Variants in PPEF1 observed in about 807,000 individuals in gnomAD.
The protein encoded by PPEF1 is serine/threonine-protein phosphatase with EF-hands 1.
PPEF1 carries 12 observed loss-of-function variants against 53.3 expected under a neutral mutation model. The observed-to-expected ratio is 0.23, with a 90% CI of 0.14 to 0.36. The LOEUF (loss-of-function observed/expected upper bound fraction) is 0.36, where lower values mean the gene tolerates loss of function less well. Ranked by LOEUF, PPEF1 falls within the 10% of genes least tolerant of loss-of-function variation. The pLI is 1.00. For missense variants in PPEF1, 334 were observed against 490.4 expected (o/e 0.68, Z 3.01); for synonymous variants, 165 against 176.7 (o/e 0.93, Z 0.52).
At chrX:18,678,924 G>A (rs1170900960), upstream of PPEF1, among the ~76,000 whole-genome samples, 15 of 110,839 alleles carry the variant, frequency 1.4e-4, no homozygotes, top group Non-Finnish European at 2.8e-4. Context: ...TGAGAACCTA[G>A]AAGATTCCAG....
intron 10 of PPEF1, among the ~76,000 whole-genome samples, chrX:18,801,812 G>A (rs1479314971): frequency 9.1e-6 from 1 of 109,606 alleles, no homozygotes; most frequent in East Asian, 2.9e-4. Flanking sequence ...GTAAAACCCT[G>A]TCTCTACCAA....
In PPEF1 at chrX:18,779,129, C is replaced by A. The variant is rs781168967; in HGVS notation, c.678C>A (p.Asp226Glu). Residue 226 changes from aspartate to glutamate, a missense_variant, in exon 7 of 16, where the codon GAC becomes GAA. Transcript: ENST00000470157. ...LCVSFLVYPN[D>E]LHLNRGNHED... is the part of the protein sequence containing the mutation. Reference sequence around the variant, plus strand: ...TGAGTTTTCTTGTCTACCCCAATGACCTGCACTTGAACAGAGGGAACCACG... The same window carrying A: ...TGAGTTTTCTTGTCTACCCCAATGAACTGCACTTGAACAGAGGGAACCACG... The A allele has an allele frequency of 2.5e-6, 3 of 1,209,094 alleles. No individual in the cohort carries two copies. The highest frequency in any genetic ancestry group is 3.5e-5 in the South Asian group (2 of 56,622).
At chrX:18,703,794 G>A (rs1460222162), upstream of PPEF1, among the ~76,000 whole-genome samples, 1 of 109,595 alleles carries the variant, frequency 9.1e-6, no homozygotes, top group Non-Finnish European at 1.9e-5. Flanking sequence ...TTGAGACAGT[G>A]CTTTTTTTTT....
At chrX:18,700,663 A>C (rs981784734) in intron 6 of PPEF1, among the ~76,000 whole-genome samples, 2 of 111,782 alleles carry the variant, frequency 1.8e-5, no homozygotes, top group Non-Finnish European at 3.8e-5. Flanking sequence ...GCCTATTTCA[A>C]ATGAACTTGA....
At chrX:18,811,049 T>TTTTA (rs1447637697) in intron 12 of PPEF1, among the ~76,000 whole-genome samples, 2 of 112,095 alleles carry the variant, frequency 1.8e-5, no homozygotes, top group African/African-American at 3.2e-5. Flanking sequence ...TATGATCTCT[T>TTTTA]TTTATTTATT....
intron 6 of PPEF1, among the ~76,000 whole-genome samples, chrX:18,766,556 ATTG>A (rs1326581860): frequency 8.9e-6 from 1 of 111,838 alleles, no homozygotes; most frequent in African/African-American, 3.2e-5. Context: ...AACGCTTGAA[ATTG>A]TTGACACAAA....
chrX:18,809,076 T>G (rs1400873903), intron 12 of PPEF1, among the ~76,000 whole-genome samples: 1 of 101,056 alleles, frequency 9.9e-6, no homozygotes, highest in Non-Finnish European at 2.0e-5. Flanking sequence ...TATATATATA[T>G]AGATATATCA....
At chrX:18,783,708 T>A (rs2046141627) in intron 8 of PPEF1, among the ~76,000 whole-genome samples, 191 bp from the exon 9 acceptor site, 1 of 87,876 alleles carries the variant, frequency 1.1e-5, no homozygotes. Flanking sequence ...AGAGCGAGAC[T>A]CCATCTCAAA....
At chrX:18,761,509 G>A (rs2045667001) in intron 5 of PPEF1, 21 bp from the exon 6 acceptor site, 2 of 1,197,998 alleles carry the variant, frequency 1.7e-6, no homozygotes, top group Admixed American at 2.2e-5. Context: ...ACTGAATACT[G>A]ATTTTTCATT....
At chrX:18,787,072 A>C (rs1453461129) in intron 9 of PPEF1, among the ~76,000 whole-genome samples, 1 of 111,989 alleles carries the variant, frequency 8.9e-6, no homozygotes, top group Non-Finnish European at 1.9e-5. Flanking sequence ...GTGAGGTTGA[A>C]CTGGTAACAC....
chrX:18,812,771 C>T (rs2046834089), intron 12 of PPEF1, among the ~76,000 whole-genome samples: 1 of 110,340 alleles, frequency 9.1e-6, no homozygotes. Flanking sequence ...CTTTTCTTTC[C>T]TTTTCTCTTT....
Position 18,827,620 on chromosome X carries a change from T to C in PPEF1, c.*133T>C, listed in dbSNP as rs757329526. On this transcript the variant is annotated 3_prime_UTR_variant, in exon 16 of 16. Transcript: ENST00000470157. ...GATCCCAATTCATCCCACAAACAGA[T>C]GCATAGTATGGGTTTTGGAAGTCCC... is the stretch of plus-strand genomic sequence containing the variant. 163 of 512,728 alleles carry C rather than the reference T, an allele frequency of 3.2e-4. No individual in the cohort carries two copies. In the East Asian group the frequency reaches 5.7e-3, roughly 18 times the overall value. The allele number at this position is 512,728 out of a possible 1,213,427, so 42.3% of individuals were successfully genotyped here.
At chrX:18,778,772 C>T (rs192255574) in intron 6 of PPEF1, among the ~76,000 whole-genome samples, 3 of 110,507 alleles carry the variant, frequency 2.7e-5, no homozygotes, top group East Asian at 2.9e-4. Context: ...GAATTAGCAC[C>T]GTCCCATCCT....
At chrX:18,778,412 T>TCACTG (rs1304468444) in intron 6 of PPEF1, among the ~76,000 whole-genome samples, 3 of 111,624 alleles carry the variant, frequency 2.7e-5, no homozygotes, top group Non-Finnish European at 5.6e-5. Flanking sequence ...TCACTGAGAA[T>TCACTG]ATACCCGGGC....
intron 7 of PPEF1, among the ~76,000 whole-genome samples, chrX:18,781,131 C>T (rs142395679): frequency 0.019 from 2,059 of 109,354 alleles, 24 homozygotes; most frequent in Non-Finnish European, 0.028. Context: ...GGGGGTACAG[C>T]GGCATCATTC....
At chrX:18,693,363 A>G (rs1027002979) in intron 4 of PPEF1, among the ~76,000 whole-genome samples, 2 of 111,518 alleles carry the variant, frequency 1.8e-5, no homozygotes, top group Non-Finnish European at 3.8e-5. Context: ...TGTGTACTCT[A>G]TGTATCCCCT....
In PPEF1 at chrX:18,779,025, G is replaced by A. The variant is rs749566728; in HGVS notation, c.574G>A (p.Glu192Lys). The change falls in exon 7 of 16, where the codon GAG (glutamate) becomes AAG (lysine). Residue 192 changes from glutamate (E) to lysine (K), a missense_variant. Physicochemically the swap from Glu to Lys is moderately conservative, Grantham distance 56. Transcript: ENST00000470157. ...CCTTCCACAGAATGGTCTCCCCTCA[G>A]AGAGGAACCCGTATGTTTTTAATGG... ...LIFYKNGLPS[E>K]RNPYVFNGDF... The A allele has an allele frequency of 2.5e-6, 3 of 1,199,696 alleles. No individual in the cohort carries two copies. The East Asian group carries it at 8.9e-5, about 36-fold the overall frequency.
chrX:18,782,351 C>A lies in PPEF1; in HGVS notation c.726-15C>A. 1 of 1,156,625 alleles carries A rather than the reference C, an allele frequency of 8.6e-7. No individual in the cohort carries two copies. Among genetic ancestry groups the A allele is most frequent in the Non-Finnish European group, 1.2e-6 (1 of 855,744 alleles). On this transcript the variant is annotated splice_polypyrimidine_tract_variant and intron_variant, in intron 7 of 15. Transcript: ENST00000470157. ...TTATCAACAATCAAATCATTTAAAT[C>A]CCATTTTTTTTTAGGTATGGCTTCA... is the stretch of plus-strand genomic sequence containing the variant.
chrX:18,814,094 AT>A (rs2046859687), intron 12 of PPEF1, among the ~76,000 whole-genome samples: 1 of 111,364 alleles, frequency 9.0e-6, no homozygotes, highest in Non-Finnish European at 1.9e-5. Context: ...AACATATGGC[AT>A]TTGGTTTTCT....
Sources: allele counts gnomAD v4.1 joint callset (sites outside exome capture counted in the v4.1 genomes callset), GRCh38; gene constraint gnomAD v4.1.1; transcripts MANE v1.5; gene names NCBI Gene and HGNC (gene_info 2026-07-23, HGNC 2026-07-21).